ANO4: variants seen among roughly 807,000 people sequenced by gnomAD.
The protein encoded by ANO4 is anoctamin-4.
In ANO4, 69 loss-of-function variants were observed where a neutral mutation model predicts 141.9. The ratio of observed to expected loss-of-function variants is 0.49; its 90% CI spans 0.40 to 0.59. The LOEUF (loss-of-function observed/expected upper bound fraction) is 0.59. Ranked by LOEUF, ANO4 falls within the 20% of genes least tolerant of loss-of-function variation. The pLI, the probability that ANO4 is intolerant of heterozygous loss-of-function variation, is 0.00. For synonymous variants in ANO4, 350 were observed against 394.3 expected, an observed-to-expected ratio of 0.89 and a Z score of 1.33; for missense variants, 894 against 1,162.2, an observed-to-expected ratio of 0.77 and a Z score of 3.36.
intron 22 of ANO4, among the ~76,000 whole-genome samples, chr12:101,101,053 A>C: frequency 6.6e-6 from 1 of 152,224 alleles, no homozygotes; most frequent in East Asian, 1.9e-4. Flanking sequence ...GCACTGCAAC[A>C]GTAGAGTTGG....
intron 2 of ANO4, among the ~76,000 whole-genome samples, chr12:100,920,035 G>A (rs1325060770): frequency 6.6e-6 from 1 of 151,690 alleles, no homozygotes; most frequent in South Asian, 2.1e-4. Context: ...GAGTTTATGA[G>A]CCCCTGCTTA....
chr12:100,956,858 A>G (rs1475022215), intron 5 of ANO4, among the ~76,000 whole-genome samples: 2 of 152,222 alleles, frequency 1.3e-5, no homozygotes, highest in African/African-American at 4.8e-5. Flanking sequence ...ATGTCACATA[A>G]TGTTTTACTT....
At chr12:100,748,794 A>G (rs915638287) in intron 3 of ANO4, among the ~76,000 whole-genome samples, 3 of 151,862 alleles carry the variant, frequency 2.0e-5, no homozygotes, top group Admixed American at 6.6e-5. Context: ...AGCATTGTAT[A>G]TGATTTTTAA....
rs572035811 is a variant in ANO4 at position 101,007,837 on chromosome 12, A to G, written c.735-12197A>G. Among the ~76,000 whole-genome samples, 113 of 152,246 alleles carry G rather than the reference A, an allele frequency of 7.4e-4. 1 individual carries two copies. Among genetic ancestry groups the G allele is most frequent in the African/African-American group, 2.6e-3 (108 of 41,554 alleles). ...TGGGCTCAAGCAGTCCTCCCATCTC[A>G]GCCTCCCAGGTAGCTAGGACTACAA... On this transcript the variant is annotated intron_variant, in intron 8 of 27. Transcript: ENST00000392977.
intron 1 of ANO4, among the ~76,000 whole-genome samples, chr12:100,811,108 T>G (rs2035403649): frequency 2.0e-5 from 3 of 152,140 alleles, no homozygotes; most frequent in African/African-American, 7.2e-5. Flanking sequence ...TACAAGAAAT[T>G]GACATCCTTT....
At chr12:100,833,718 T>A (rs1565917834) in intron 1 of ANO4, among the ~76,000 whole-genome samples, 1 of 152,020 alleles carries the variant, frequency 6.6e-6, no homozygotes, top group Non-Finnish European at 1.5e-5. Flanking sequence ...AGTGTCTGGC[T>A]CATAGTAGGA....
rs760935253 is a variant in ANO4, at chr12:101,097,945, C to T, written c.2006C>T (p.Pro669Leu). Reference protein sequence around the residue: ...TWNNFMELGYPLIQNWWTRRK... With the variant: ...TWNNFMELGYLLIQNWWTRRK... ...AATAATTTCATGGAACTTGGCTACC[C>T]GTAAGTACCTTAGTATCAATAATTG... Residue 669 changes from proline (P) to leucine (L), a missense_variant and splice_region_variant, in exon 21 of 28, where the codon CCG (proline) becomes CTG (leucine). Coordinates refer to ENST00000392977, the MANE Select transcript of ANO4 (RefSeq NM_001286615.2). 94 of 1,611,300 alleles carry T rather than the reference C, an allele frequency of 5.8e-5. 1 individual carries two copies. The highest frequency in any genetic ancestry group is 3.3e-4 in the Middle Eastern group (2 of 6,064).
At chr12:100,828,038 A>G (rs1434632914) in intron 1 of ANO4, among the ~76,000 whole-genome samples, 1 of 151,956 alleles carries the variant, frequency 6.6e-6, no homozygotes, top group Non-Finnish European at 1.5e-5. Flanking sequence ...GTTGTGATAC[A>G]TACTCCTGTT....
chr12:100,866,163 A>G (rs1461080509), intron 1 of ANO4, among the ~76,000 whole-genome samples: 1 of 152,178 alleles, frequency 6.6e-6, no homozygotes, highest in Admixed American at 6.5e-5. Context: ...TTGTCCTCTC[A>G]GTATATGTGC....
intron 8 of ANO4, among the ~76,000 whole-genome samples, chr12:101,019,566 G>A (rs141558153): frequency 6.6e-6 from 1 of 152,268 alleles, no homozygotes; most frequent in African/African-American, 2.4e-5. Context: ...CACCTCACCT[G>A]TGAGCCAGAC....
At chr12:100,731,288 C>T (rs1485442559) in intron 1 of ANO4, among the ~76,000 whole-genome samples, 1 of 152,132 alleles carries the variant, frequency 6.6e-6, no homozygotes, top group Non-Finnish European at 1.5e-5. Context: ...CTCTTGTAAC[C>T]TGTAGTGGTT....
chr12:100,812,624 G>C (rs1000104362), intron 1 of ANO4, among the ~76,000 whole-genome samples: 1 of 152,134 alleles, frequency 6.6e-6, no homozygotes, highest in Non-Finnish European at 1.5e-5. Context: ...GTAAGATACA[G>C]AGGCCACCTT....
At chr12:101,103,181 TTTTATATATATATATATATATATATA>T (rs199624344) in intron 22 of ANO4, among the ~76,000 whole-genome samples, 28,238 of 90,698 alleles carry the variant, frequency 0.31, 5,323 homozygotes, top group East Asian at 0.59. Flanking sequence ...TTTTTAGTCA[TTTTATATATATATATATATATATATA>T]TATATATATA....
intron 3 of ANO4, among the ~76,000 whole-genome samples, chr12:100,925,820 CATACATATAT>C (rs1364857511): frequency 2.1e-5 from 3 of 145,412 alleles, no homozygotes; most frequent in Non-Finnish European, 4.5e-5. Context: ...CATATACATA[CATACATATAT>C]ATACATACAT....
chr12:101,088,899 A>G (rs1048997556), intron 17 of ANO4, among the ~76,000 whole-genome samples: 1 of 152,050 alleles, frequency 6.6e-6, no homozygotes, highest in Non-Finnish European at 1.5e-5. Context: ...AATTAAAAAA[A>G]TTTTAAAAGC....
intron 1 of ANO4, among the ~76,000 whole-genome samples, chr12:100,857,644 G>C (rs1419219736): frequency 1.3e-5 from 2 of 152,100 alleles, no homozygotes; most frequent in African/African-American, 2.4e-5. Flanking sequence ...GGGTTCAGCT[G>C]TCAAACAATG....
At chr12:100,965,899 C>T (rs1407298000) in intron 5 of ANO4, among the ~76,000 whole-genome samples, 2 of 152,022 alleles carry the variant, frequency 1.3e-5, no homozygotes, top group African/African-American at 4.8e-5. Context: ...ATGTCTGTCT[C>T]CCACTCTAGA....
intron 5 of ANO4, among the ~76,000 whole-genome samples, chr12:100,957,464 T>A (rs1388133176): frequency 6.6e-6 from 1 of 152,178 alleles, no homozygotes; most frequent in Non-Finnish European, 1.5e-5. Context: ...CAACATGAGT[T>A]ATGGTGGAGA....
At chr12:100,979,637 C>T (rs1388904096) in intron 7 of ANO4, among the ~76,000 whole-genome samples, 1 of 152,142 alleles carries the variant, frequency 6.6e-6, no homozygotes, top group Non-Finnish European at 1.5e-5. Context: ...GCAGAGGAGA[C>T]TATGACCTTG....
Sources: allele counts gnomAD v4.1 joint callset (sites outside exome capture counted in the v4.1 genomes callset), GRCh38; gene constraint gnomAD v4.1.1; transcripts MANE v1.5; gene names NCBI Gene and HGNC (gene_info 2026-07-23, HGNC 2026-07-21).